The following RGS6 variants were observed in gnomAD, a reference collection of about 807,000 sequenced individuals.
The protein encoded by RGS6 is regulator of G protein signaling 6, also known as regulator of G-protein signaling 6.
In RGS6, 30 loss-of-function variants were observed where a neutral mutation model predicts 78.5. The ratio of observed to expected loss-of-function variants is 0.38; its 90% CI spans 0.29 to 0.52. The LOEUF is 0.52. Ranked by LOEUF, RGS6 falls within the 20% of genes least tolerant of loss-of-function variation. The pLI is 0.85. For synonymous variants in RGS6, 206 were observed against 206.0 expected (o/e 1.00, Z 0.00); for missense variants, 495 against 609.7 (o/e 0.81, Z 1.98).
At chr14:72,262,726 T>C (rs2058380699) in intron 2 of RGS6, among the ~76,000 whole-genome samples, 1 of 152,230 alleles carries the variant, frequency 6.6e-6, no homozygotes, top group Non-Finnish European at 1.5e-5. Flanking sequence ...TGTGAAATTT[T>C]CTTTTCCAAA....
At chr14:72,063,456 C>G (rs1350793130) in intron 2 of RGS6, among the ~76,000 whole-genome samples, 3 of 152,070 alleles carry the variant, frequency 2.0e-5, no homozygotes, top group Non-Finnish European at 2.9e-5. Flanking sequence ...GGGGCACAAG[C>G]TTGATTGAAG....
At chr14:72,153,915 C>G (rs1056899578) in intron 2 of RGS6, among the ~76,000 whole-genome samples, 1 of 152,116 alleles carries the variant, frequency 6.6e-6, no homozygotes, top group African/African-American at 2.4e-5. Context: ...GAGAACTGGT[C>G]TGACCAAAAA....
the RGS6 span, among the ~76,000 whole-genome samples, chr14:71,924,538 T>C: frequency 6.6e-6 from 1 of 152,206 alleles, no homozygotes; most frequent in South Asian, 2.1e-4. Context: ...TTGACCTACA[T>C]CTTCTCATTT....
chr14:72,620,400 C>T, the RGS6 span, among the ~76,000 whole-genome samples: 52 of 152,354 alleles, frequency 3.4e-4, 2 homozygotes, highest in East Asian at 9.6e-3. Flanking sequence ...GGACTCCACT[C>T]TCTCCATCTG....
intron 2 of RGS6, among the ~76,000 whole-genome samples, chr14:72,097,930 G>A (rs1029637929): frequency 2.0e-5 from 3 of 152,132 alleles, no homozygotes; most frequent in South Asian, 2.1e-4. Context: ...CTTTGAAAGC[G>A]GGAATGTATA....
chr14:72,355,884 T>A (rs897363787), intron 3 of RGS6, among the ~76,000 whole-genome samples: 1 of 152,028 alleles, frequency 6.6e-6, no homozygotes, highest in Non-Finnish European at 1.5e-5. Flanking sequence ...CCTGGAACAT[T>A]GAGGATCTGT....
intron 1 of RGS6, among the ~76,000 whole-genome samples, chr14:71,951,473 C>T (rs903087236): frequency 1.3e-5 from 2 of 152,020 alleles, no homozygotes; most frequent in African/African-American, 4.8e-5. Context: ...AATACTTAGG[C>T]GATGGGTTGA....
At chr14:72,426,893 GA>G (rs1366621065) in intron 3 of RGS6, among the ~76,000 whole-genome samples, 3 of 152,218 alleles carry the variant, frequency 2.0e-5, no homozygotes, top group Non-Finnish European at 4.4e-5. Context: ...GCAACACTAT[GA>G]AACTGCCAAG....
intron 2 of RGS6, among the ~76,000 whole-genome samples, chr14:72,103,414 T>A (rs1037228879): frequency 6.6e-6 from 1 of 152,232 alleles, no homozygotes. Context: ...ATACCCTTTG[T>A]GCAATTTTAG....
intron 2 of RGS6, among the ~76,000 whole-genome samples, chr14:72,332,601 C>G (rs879897768): frequency 2.0e-5 from 3 of 152,194 alleles, no homozygotes; most frequent in Non-Finnish European, 4.4e-5. Flanking sequence ...TCTTGGGTCC[C>G]TGTACCCTGG....
At chr14:72,392,546 A>C (rs1169022269) in intron 3 of RGS6, among the ~76,000 whole-genome samples, 2 of 152,190 alleles carry the variant, frequency 1.3e-5, no homozygotes, top group African/African-American at 4.8e-5. Context: ...AAGGTAGAGC[A>C]GTTGTGACTT....
intron 13 of RGS6, among the ~76,000 whole-genome samples, chr14:72,502,673 A>G (rs1302098996): frequency 6.6e-6 from 1 of 152,172 alleles, no homozygotes; most frequent in Non-Finnish European, 1.5e-5. Context: ...CTGAGGCAGG[A>G]GAATAGTTTG....
the RGS6 span, chr14:72,594,671 TCTC>T: frequency 2.6e-5 from 4 of 152,150 alleles, no homozygotes; most frequent in African/African-American, 4.8e-5. Flanking sequence ...ACTTCCTCGC[TCTC>T]CTCAACTGCT....
intron 17 of RGS6, among the ~76,000 whole-genome samples, chr14:72,557,554 T>C (rs1334465099): frequency 2.6e-5 from 4 of 151,934 alleles, no homozygotes; most frequent in Non-Finnish European, 4.4e-5. Flanking sequence ...CCTCAGCAAG[T>C]CTCCCCCAAC....
At chr14:72,625,798 A>C in the RGS6 span, among the ~76,000 whole-genome samples, 14 of 152,218 alleles carry the variant, frequency 9.2e-5, no homozygotes, top group Admixed American at 4.6e-4. Flanking sequence ...CCACTATTCC[A>C]AACCAATGCC....
intron 17 of RGS6, among the ~76,000 whole-genome samples, chr14:72,549,621 G>A (rs2097469750): frequency 6.6e-6 from 1 of 152,218 alleles, no homozygotes; most frequent in African/African-American, 2.4e-5. Flanking sequence ...GAGCACTTTG[G>A]GAGGCCGAGA....
At chr14:72,094,290 T>C (rs906501210) in intron 2 of RGS6, among the ~76,000 whole-genome samples, 1 of 152,240 alleles carries the variant, frequency 6.6e-6, no homozygotes, top group Non-Finnish European at 1.5e-5. Flanking sequence ...AGTATGTTTA[T>C]ATTTTGGCTT....
At chr14:72,567,404 C>T (rs1181770891), downstream of RGS6, among the ~76,000 whole-genome samples, 1 of 152,260 alleles carries the variant, frequency 6.6e-6, no homozygotes, top group Admixed American at 6.5e-5. Context: ...GCTGGACCAT[C>T]TGGCTTAGTT....
At chr14:72,388,782 A>C (rs1293326901) in intron 3 of RGS6, among the ~76,000 whole-genome samples, 1 of 152,032 alleles carries the variant, frequency 6.6e-6, no homozygotes, top group Non-Finnish European at 1.5e-5. Flanking sequence ...TGGCCACTTC[A>C]CTTTACTTTA....
Sources: gnomAD v4.1 joint callset for allele counts (sites outside exome capture counted in the v4.1 genomes callset) on GRCh38, gnomAD v4.1.1 for gene constraint, MANE v1.5 for transcripts, NCBI Gene and HGNC (gene_info 2026-07-23, HGNC 2026-07-21) for gene names.